GNS: variants seen among roughly 807,000 people sequenced by gnomAD.
GNS encodes the protein N-acetylglucosamine-6-sulfatase.
Under a neutral mutation model 69.7 loss-of-function variants are expected in GNS, and 40 were observed. That is an observed-to-expected ratio of 0.57 (90% CI 0.45 to 0.75). GNS has a LOEUF of 0.75. Ranked by LOEUF, GNS falls within the 30% of genes least tolerant of loss-of-function variation. The probability of loss-of-function intolerance (pLI) is 0.00; values close to 1 mark genes in which losing one functional copy is unlikely to be tolerated. For synonymous variants in GNS, 243 were observed against 251.6 expected, an observed-to-expected ratio of 0.97 and a Z score of 0.32; for missense variants, 565 against 685.5, an observed-to-expected ratio of 0.82 and a Z score of 1.96.
At chr12:64,755,024 T>G (rs1291166779) in intron 1 of GNS, among the ~76,000 whole-genome samples, 1 of 152,134 alleles carries the variant, frequency 6.6e-6, no homozygotes, top group Non-Finnish European at 1.5e-5. Flanking sequence ...GTGTCATGTG[T>G]CTCTATGCTA....
chr12:64,726,962 G>C (rs557131792), intron 10 of GNS, among the ~76,000 whole-genome samples: 1 of 150,682 alleles, frequency 6.6e-6, no homozygotes, highest in African/African-American at 2.4e-5. Context: ...ATTGGAATAT[G>C]AACACATCTC....
rs754626354 is a variant in GNS, at chr12:64,737,046, C to G, written c.1056G>C (p.Leu352=). ...GTTTGATCCCAGGTCCTCGAACCAA[C>G]AGTGGAACTTTGATATCAAACTCAT... ...QLYEFDIKVP[L]LVRGPGIKPN... The change falls in exon 9 of 14, where the codon CTG becomes CTC. Residue 352 remains leucine (L), a synonymous_variant. Transcript: ENST00000258145. The G allele has an allele frequency of 6.2e-7, 1 of 1,605,810 alleles. No homozygotes were observed. Among genetic ancestry groups the G allele is most frequent in the Admixed American group, 1.7e-5 (1 of 60,014 alleles).
intron 13 of GNS, among the ~76,000 whole-genome samples, chr12:64,719,435 G>A (rs1449797074): frequency 6.6e-6 from 1 of 152,190 alleles, no homozygotes; most frequent in Non-Finnish European, 1.5e-5. Context: ...CAGTGTTACT[G>A]CTGAAAAGTT....
At chr12:64,728,255 T>C (rs567656252) in intron 10 of GNS, among the ~76,000 whole-genome samples, 2 of 152,326 alleles carry the variant, frequency 1.3e-5, no homozygotes, top group African/African-American at 4.8e-5. Flanking sequence ...TTGTATGGTA[T>C]GGGAATTAAG....
intron 9 of GNS, among the ~76,000 whole-genome samples, chr12:64,731,297 A>T (rs1466705303): frequency 1.3e-4 from 20 of 152,174 alleles, no homozygotes; most frequent in Admixed American, 1.3e-3. Context: ...GGCTGGTCTC[A>T]AACTTCTGAA....
intron 1 of GNS, among the ~76,000 whole-genome samples, chr12:64,758,796 A>G (rs999822936): frequency 2.0e-5 from 3 of 152,188 alleles, no homozygotes; most frequent in African/African-American, 7.2e-5. Flanking sequence ...GGTTCAACCC[A>G]TCCTCCACTG....
intron 10 of GNS, 38 bp downstream of exon 10, chr12:64,728,918 G>C: frequency 1.1e-6 from 1 of 895,112 alleles, no homozygotes; most frequent in Non-Finnish European, 1.9e-6. Flanking sequence ...AATTTATTGC[G>C]GTCTTGGCTC....
chr12:64,745,672 T>C lies in GNS; in HGVS notation c.512A>G (p.Tyr171Cys), dbSNP rs1263712788. ...GLEHVPLGWS[Y>C]WYALEKNSKY... ...ATAATCACTCACCAAGGCATACCAG[T>C]AACTCCAACCCAGAGGAACGTGTTC... The change falls in exon 4 of 14, where the codon TAC becomes TGC. Residue 171 changes from tyrosine to cysteine, a missense_variant. This residue lies in a region of GNS where 384 missense variants were observed against 511.0 expected (regional missense o/e 0.75). Transcript: ENST00000258145. The C allele has an allele frequency of 3.1e-6, 5 of 1,600,366 alleles. No individual in the cohort carries two copies. The East Asian group carries it at 1.1e-4, about 36-fold the overall frequency.
intron 1 of GNS, among the ~76,000 whole-genome samples, chr12:64,756,113 G>A (rs1870243213): frequency 6.6e-6 from 1 of 152,128 alleles, no homozygotes; most frequent in African/African-American, 2.4e-5. Flanking sequence ...ACAGATACCT[G>A]GAACAAATAC....
At chr12:64,730,768 G>C (rs1378918457) in intron 9 of GNS, among the ~76,000 whole-genome samples, 1 of 152,188 alleles carries the variant, frequency 6.6e-6, no homozygotes, top group Non-Finnish European at 1.5e-5. Flanking sequence ...TGTCAATATG[G>C]AAGAGGTCAC....
At chr12:64,738,674 G>A (rs1392321915) in intron 8 of GNS, among the ~76,000 whole-genome samples, 1 of 152,018 alleles carries the variant, frequency 6.6e-6, no homozygotes, top group Admixed American at 6.6e-5. Context: ...TTGGCCAGGC[G>A]TGGTGGCGTG....
chr12:64,749,551 C>T (rs537708750), intron 2 of GNS, among the ~76,000 whole-genome samples: 100 of 152,246 alleles, frequency 6.6e-4, no homozygotes, highest in Middle Eastern at 3.4e-3. Context: ...CGTGTCTAGC[C>T]GATTTGACAT....
chr12:64,725,163 G>A (rs1157569520), intron 10 of GNS, among the ~76,000 whole-genome samples: 1 of 152,174 alleles, frequency 6.6e-6, no homozygotes, highest in Non-Finnish European at 1.5e-5. Flanking sequence ...TGATTCTGAT[G>A]TCTGACCAAA....
In GNS at chr12:64,743,087, C is replaced by T. The variant is rs75571076; in HGVS notation, c.792+54G>A. On this transcript the variant is annotated intron_variant, in intron 6 of 13. Coordinates refer to ENST00000258145, the MANE Select transcript of GNS (RefSeq NM_002076.4). ...GCTCAAAGGCTTCCTGACAAGTATA[C>T]CATATAGTTAATGATACTTAGTATG... 6.3e-4 allele frequency: 833 copies of T among 1,331,668 alleles called. 1 individual carries two copies. The highest frequency in any genetic ancestry group is 8.6e-4 in the Non-Finnish European group (790 of 923,148). The allele number at this position is 1,331,668 out of a possible 1,614,324, so 82.5% of individuals were successfully genotyped here. A position where few individuals can be genotyped will look rare whatever the true frequency, so the allele number is the denominator to read the frequency against.
At chr12:64,758,306 G>A (rs930713328) in intron 1 of GNS, among the ~76,000 whole-genome samples, 2 of 132,204 alleles carry the variant, frequency 1.5e-5, no homozygotes, top group Admixed American at 1.6e-4. Flanking sequence ...GTTCACTTCA[G>A]GCCTTTTTTT....
chr12:64,720,848 G>A (rs559510965), intron 12 of GNS, among the ~76,000 whole-genome samples: 82 of 152,304 alleles, frequency 5.4e-4, no homozygotes, highest in African/African-American at 1.9e-3. Flanking sequence ...AATGGCTTCA[G>A]GTAGCTGCCC....
rs1192380314 is a variant in GNS, at chr12:64,714,072, T to G, written c.*2669A>C. On this transcript the variant is annotated 3_prime_UTR_variant, in exon 14 of 14. Coordinates refer to ENST00000258145, the MANE Select transcript of GNS (RefSeq NM_002076.4). ...GGAACCCAGGAGGTGGAAGTTGCAGTGAGCCGAGATCACGCCACTGCACTC... is the reference window on the plus strand; with the variant it reads ...GGAACCCAGGAGGTGGAAGTTGCAGGGAGCCGAGATCACGCCACTGCACTC... 1.3e-5 allele frequency: 2 copies of G among 152,078 alleles called. No homozygotes were observed. Among genetic ancestry groups the G allele is most frequent in the Admixed American group, 6.6e-5 (1 of 15,256 alleles). 9.4% of individuals were successfully genotyped at this position (152,078 alleles called of 1,614,324 possible).
intron 1 of GNS, among the ~76,000 whole-genome samples, chr12:64,755,526 C>G (rs1406156920): frequency 6.8e-6 from 1 of 147,088 alleles, no homozygotes; most frequent in Non-Finnish European, 1.5e-5. Flanking sequence ...TGCAGTGGGC[C>G]GAGATCGCGC....
At chr12:64,717,464 T>C (rs1391086302) in intron 13 of GNS, among the ~76,000 whole-genome samples, 4 of 151,846 alleles carry the variant, frequency 2.6e-5, no homozygotes, top group Non-Finnish European at 5.9e-5. Context: ...GATTCTCCTG[T>C]CTTAAGCCTC....
Sources: allele counts gnomAD v4.1 joint callset (sites outside exome capture counted in the v4.1 genomes callset), GRCh38; gene constraint gnomAD v4.1.1; regional missense constraint gnomAD v4.1.1; transcripts MANE v1.5; gene names NCBI Gene and HGNC (gene_info 2026-07-23, HGNC 2026-07-21).